The following SGCZ variants were observed in gnomAD, a reference collection of about 807,000 sequenced individuals.
SGCZ encodes the protein zeta-sarcoglycan.
Under a neutral mutation model 41.3 loss-of-function variants are expected in SGCZ, and 40 were observed. The ratio of observed to expected loss-of-function variants is 0.97; its 90% confidence interval spans 0.75 to 1.26. The LOEUF (loss-of-function observed/expected upper bound fraction) is 1.26, where lower values mean the gene tolerates loss of function less well. Ranked by LOEUF, SGCZ falls within the 50% of genes most tolerant of loss-of-function variation. The probability of loss-of-function intolerance (pLI) is 0.00; values close to 1 mark genes in which losing one functional copy is unlikely to be tolerated. For missense variants in SGCZ, 552 were observed against 369.8 expected (o/e 1.49, Z -4.04); for synonymous variants, 206 against 137.5 (o/e 1.50, Z -3.49).
At chr8:14,273,300 A>C (rs929570549) in intron 3 of SGCZ, among the ~76,000 whole-genome samples, 2 of 152,154 alleles carry the variant, frequency 1.3e-5, no homozygotes, top group African/African-American at 4.8e-5. Context: ...ATTTCACTGC[A>C]CTTTGAAAAT....
chr8:15,054,726 G>A lies in SGCZ; in HGVS notation c.39+182859C>T, dbSNP rs1043930039. Among the ~76,000 whole-genome samples the A allele has an allele frequency of 4.0e-5, 6 of 151,680 alleles. No homozygotes were observed. The South Asian group carries it at 8.4e-4, about 21-fold the overall frequency. On this transcript the variant is annotated intron_variant, in intron 1 of 7. Transcript: ENST00000382080. ...TCCCAGCACTTTAGGAGGCTGAGGC[G>A]GGCAGACCACGAGGTCAGGAGATCA...
intron 2 of SGCZ, among the ~76,000 whole-genome samples, chr8:14,421,430 T>C (rs1449763083): frequency 1.3e-5 from 2 of 152,274 alleles, no homozygotes; most frequent in African/African-American, 2.4e-5. Flanking sequence ...TGCATGTATA[T>C]ACCAGGTCTT....
At chr8:14,284,772 T>G (rs890534) in intron 3 of SGCZ, among the ~76,000 whole-genome samples, 1 of 151,806 alleles carries the variant, frequency 6.6e-6, no homozygotes, top group Non-Finnish European at 1.5e-5. Flanking sequence ...TATTTGGTCC[T>G]AAGTTACTGT....
intron 1 of SGCZ, among the ~76,000 whole-genome samples, chr8:14,651,280 G>C (rs181629757): frequency 2.8e-4 from 42 of 152,104 alleles, no homozygotes; most frequent in African/African-American, 9.4e-4. Context: ...GAAACATTAA[G>C]AGGGCATTTT....
chr8:14,953,096 T>G (rs1221547081), intron 1 of SGCZ, among the ~76,000 whole-genome samples: 1 of 152,142 alleles, frequency 6.6e-6, no homozygotes, highest in Non-Finnish European at 1.5e-5. Context: ...ATCACCTCTA[T>G]GCGTCCGTTC....
chr8:14,963,506 T>C (rs570452893), intron 1 of SGCZ, among the ~76,000 whole-genome samples: 3 of 152,028 alleles, frequency 2.0e-5, no homozygotes, highest in East Asian at 1.9e-4. Flanking sequence ...CCTGGCTACA[T>C]TGTTCTTTCT....
chr8:14,103,075 C>CTAAT (rs1267125000), intron 6 of SGCZ, among the ~76,000 whole-genome samples: 2 of 152,132 alleles, frequency 1.3e-5, no homozygotes, highest in African/African-American at 2.4e-5. Flanking sequence ...TCTACATCAA[C>CTAAT]TAATTCTGTT....
At chr8:15,168,937 A>G (rs1799747515) in intron 1 of SGCZ, among the ~76,000 whole-genome samples, 1 of 152,190 alleles carries the variant, frequency 6.6e-6, no homozygotes, top group Non-Finnish European at 1.5e-5. Context: ...TTTGTCATTC[A>G]GGCTTTTAGC....
At chr8:14,913,809 G>A (rs927650092) in intron 1 of SGCZ, among the ~76,000 whole-genome samples, 1 of 152,036 alleles carries the variant, frequency 6.6e-6, no homozygotes, top group African/African-American at 2.4e-5. Context: ...AAGAAAGGCA[G>A]CACATATTTC....
intron 1 of SGCZ, among the ~76,000 whole-genome samples, chr8:14,847,841 G>C (rs1320532693): frequency 1.4e-5 from 2 of 144,662 alleles, no homozygotes; most frequent in Non-Finnish European, 3.0e-5. Flanking sequence ...TCACAAGTAA[G>C]TCAAGCTGTC....
intron 1 of SGCZ, among the ~76,000 whole-genome samples, chr8:14,564,199 C>G (rs1200281359): frequency 1.3e-5 from 2 of 152,112 alleles, no homozygotes; most frequent in Non-Finnish European, 2.9e-5. Context: ...CATGCAACAT[C>G]CTTGTGACCA....
intron 1 of SGCZ, among the ~76,000 whole-genome samples, chr8:14,783,693 A>C (rs1800661117): frequency 6.6e-6 from 1 of 152,270 alleles, no homozygotes; most frequent in African/African-American, 2.4e-5. Flanking sequence ...TTCAGTGATC[A>C]GTTTAAGGGT....
intron 6 of SGCZ, 51 bp from the exon 7 acceptor site, chr8:14,102,550 C>A (rs745483211): frequency 3.9e-6 from 5 of 1,296,368 alleles, no homozygotes; most frequent in Non-Finnish European, 4.9e-6. Flanking sequence ...ACAAAAAAAT[C>A]ATTAATAGAA....
At chr8:15,236,696 G>A (rs1802136330) in intron 1 of SGCZ, among the ~76,000 whole-genome samples, 1 of 152,018 alleles carries the variant, frequency 6.6e-6, no homozygotes, top group East Asian at 1.9e-4. Context: ...TTTCTTGAAG[G>A]GAAGCAGGCA....
At chr8:14,166,173 G>C (rs1478394141) in intron 4 of SGCZ, among the ~76,000 whole-genome samples, 1 of 152,026 alleles carries the variant, frequency 6.6e-6, no homozygotes, top group Non-Finnish European at 1.5e-5. Flanking sequence ...CTTTTGGGCT[G>C]TAAAGTTTAA....
At chr8:15,202,370 A>C (rs1800916934) in intron 1 of SGCZ, among the ~76,000 whole-genome samples, 1 of 152,224 alleles carries the variant, frequency 6.6e-6, no homozygotes, top group Non-Finnish European at 1.5e-5. Flanking sequence ...AAATTGAGAG[A>C]CCATTATTTT....
chr8:14,554,586 A>G (rs531107278), intron 2 of SGCZ, 146 bp downstream of exon 2: 18 of 716,982 alleles, frequency 2.5e-5, no homozygotes, highest in East Asian at 1.1e-4. Context: ...ATGTATTCTT[A>G]AAATAAAATA....
chr8:14,873,563 A>G (rs1804243111), intron 1 of SGCZ, among the ~76,000 whole-genome samples: 1 of 152,106 alleles, frequency 6.6e-6, no homozygotes, highest in African/African-American at 2.4e-5. Context: ...CCGTTACATG[A>G]CTATGCATTT....
chr8:14,699,915 C>T (rs558061152), intron 1 of SGCZ, among the ~76,000 whole-genome samples: 3 of 152,094 alleles, frequency 2.0e-5, no homozygotes, highest in African/African-American at 7.2e-5. Flanking sequence ...TACCACCTCA[C>T]ACTAGTCAAA....
Sources: allele counts gnomAD v4.1 joint callset (sites outside exome capture counted in the v4.1 genomes callset), GRCh38; gene constraint gnomAD v4.1.1; transcripts MANE v1.5; gene names NCBI Gene and HGNC (gene_info 2026-07-23, HGNC 2026-07-21).